The following PTPRM variants were observed in gnomAD, a reference collection of about 807,000 sequenced individuals.
The protein encoded by PTPRM is protein tyrosine phosphatase receptor type M, also known as receptor-type tyrosine-protein phosphatase mu.
PTPRM carries 47 observed loss-of-function variants against 186.7 expected under a neutral mutation model. The observed-to-expected ratio is 0.25, with a 90% CI of 0.20 to 0.32. PTPRM has a LOEUF of 0.32. Ranked by LOEUF, PTPRM falls within the 10% of genes least tolerant of loss-of-function variation. The pLI, the probability that PTPRM is intolerant of heterozygous loss-of-function variation, is 1.00. For synonymous variants in PTPRM, 668 were observed against 674.9 expected (o/e 0.99, Z 0.16); for missense variants, 1,494 against 1,865.0 (o/e 0.80, Z 3.66).
rs181611802 is a variant in PTPRM at position 8,363,054 on chromosome 18, C to T, written c.3055-7836C>T. Among the ~76,000 whole-genome samples the T allele has an allele frequency of 1.9e-3, 297 of 152,322 alleles. 1 individual carries two copies. Among genetic ancestry groups the T allele is most frequent in the South Asian group, 2.9e-3 (14 of 4,828 alleles). ...TCTGCATCCCCAGCAATGCCCAGTCCGGGCTCTGCTTGTCATGCGCTTTCA... is the reference window on the plus strand; with the variant it reads ...TCTGCATCCCCAGCAATGCCCAGTCTGGGCTCTGCTTGTCATGCGCTTTCA... On this transcript the variant is annotated intron_variant, in intron 23 of 32. Transcript: ENST00000580170.
intron 11 of PTPRM, among the ~76,000 whole-genome samples, chr18:8,107,736 C>T (rs1487056392): frequency 6.6e-6 from 1 of 152,210 alleles, no homozygotes; most frequent in Non-Finnish European, 1.5e-5. Flanking sequence ...ATAGAATATT[C>T]AGCCCCACAG....
At chr18:7,981,585 C>T (rs1042874124) in intron 7 of PTPRM, among the ~76,000 whole-genome samples, 12 of 152,184 alleles carry the variant, frequency 7.9e-5, no homozygotes, top group African/African-American at 1.2e-4. Context: ...GGAGGAATGA[C>T]TGTGATGTGA....
chr18:8,181,524 A>G (rs745856707), intron 14 of PTPRM, among the ~76,000 whole-genome samples: 1 of 152,222 alleles, frequency 6.6e-6, no homozygotes, highest in Admixed American at 6.5e-5. Flanking sequence ...GAAAAAGGAA[A>G]TGAGCCTGAA....
At chr18:7,624,030 T>G (rs1210127135) in intron 1 of PTPRM, among the ~76,000 whole-genome samples, 4 of 152,166 alleles carry the variant, frequency 2.6e-5, no homozygotes, top group Non-Finnish European at 5.9e-5. Flanking sequence ...TGGCCAGTAC[T>G]GGTGGATCTG....
chr18:7,955,404 A>T lies in PTPRM; in HGVS notation c.1122A>T (p.Thr374=), dbSNP rs371401150. 6.2e-7 allele frequency: 1 copy of T among 1,613,180 alleles called. No homozygotes were observed. The highest frequency in any genetic ancestry group is 8.5e-7 in the Non-Finnish European group (1 of 1,179,560). ...GSPGPALRTR[T]KCADPMRGPR... ...CTGGTCCAGCTCTCAGGACAAGAAC[A>T]AAGTGTGCTGGTGAGTATAAGGAAC... The change falls in exon 7 of 33, where the codon ACA becomes ACT. Residue 374 remains threonine (T), a synonymous_variant. Transcript: ENST00000580170.
At chr18:7,685,309 T>C (rs660633) in intron 1 of PTPRM, among the ~76,000 whole-genome samples, 53,866 of 152,124 alleles carry the variant, frequency 0.35, 14,533 homozygotes, top group African/African-American at 0.74. Context: ...TGGCTAATTT[T>C]ATTTCATATT....
intron 19 of PTPRM, among the ~76,000 whole-genome samples, chr18:8,276,946 T>A (rs1368473722): frequency 2.9e-4 from 9 of 31,274 alleles, no homozygotes; most frequent in African/African-American, 7.3e-4. Flanking sequence ...AAAACTGTAA[T>A]TTTTTTTTTT....
At chr18:7,984,602 T>TACACACACACACAC (rs1555676946) in intron 7 of PTPRM, among the ~76,000 whole-genome samples, 1 of 87,198 alleles carries the variant, frequency 1.1e-5, no homozygotes, top group Admixed American at 1.4e-4. Context: ...TATATATATA[T>TACACACACACACAC]ACACACACAC....
chr18:7,737,677 C>A (rs1328234627), intron 1 of PTPRM, among the ~76,000 whole-genome samples: 1 of 152,190 alleles, frequency 6.6e-6, no homozygotes, highest in East Asian at 1.9e-4. Context: ...CCTGTGCCAG[C>A]CCCTGGTCTC....
At chr18:8,099,277 A>G (rs945259796) in intron 11 of PTPRM, among the ~76,000 whole-genome samples, 17 of 151,784 alleles carry the variant, frequency 1.1e-4, no homozygotes, top group Non-Finnish European at 2.2e-4. Flanking sequence ...TCTCCCAGAG[A>G]GCTCAGCCCT....
At chr18:8,049,660 A>G (rs954678783) in intron 7 of PTPRM, among the ~76,000 whole-genome samples, 1 of 151,622 alleles carries the variant, frequency 6.6e-6, no homozygotes, top group African/African-American at 2.4e-5. Context: ...ATAAACATAT[A>G]TATATATATA....
At chr18:7,913,945 A>G (rs1293412978) in intron 4 of PTPRM, among the ~76,000 whole-genome samples, 3 of 152,176 alleles carry the variant, frequency 2.0e-5, no homozygotes, top group Non-Finnish European at 4.4e-5. Flanking sequence ...CAATTTCTTT[A>G]AATATTAAAG....
At chr18:8,379,046 G>A (rs536842408) in intron 27 of PTPRM, 121 bp from the exon 28 acceptor site, 16 of 734,346 alleles carry the variant, frequency 2.2e-5, no homozygotes, top group African/African-American at 1.5e-4. Context: ...GGTTGGGGAG[G>A]GAGGGGGAAG....
At chr18:7,919,297 T>C (rs943481171) in intron 4 of PTPRM, among the ~76,000 whole-genome samples, 1 of 152,186 alleles carries the variant, frequency 6.6e-6, no homozygotes, top group African/African-American at 2.4e-5. Flanking sequence ...TGGTTCCATA[T>C]AAATTTTAGC....
chr18:8,300,503 T>TAAA (rs60113332), intron 20 of PTPRM, among the ~76,000 whole-genome samples: 3 of 144,340 alleles, frequency 2.1e-5, no homozygotes, highest in African/African-American at 7.5e-5. Flanking sequence ...ATTACTTCAT[T>TAAA]AAAAAAAAAA....
intron 22 of PTPRM, among the ~76,000 whole-genome samples, chr18:8,322,080 C>T (rs1365022354): frequency 6.6e-6 from 1 of 152,162 alleles, no homozygotes; most frequent in African/African-American, 2.4e-5. Context: ...TCTTCTTGCT[C>T]TATTTGTCCT....
chr18:7,956,226 G>A (rs1398124658), intron 7 of PTPRM, among the ~76,000 whole-genome samples: 2 of 152,116 alleles, frequency 1.3e-5, no homozygotes, highest in African/African-American at 4.8e-5. Flanking sequence ...AATTGTTATG[G>A]TGTTAGTTAA....
intron 19 of PTPRM, among the ~76,000 whole-genome samples, chr18:8,290,422 G>A (rs116870329): frequency 0.018 from 2,738 of 152,006 alleles, 38 homozygotes; most frequent in Non-Finnish European, 0.027. Context: ...TAATATCTAG[G>A]AGTTGTGGCA....
chr18:7,627,136 AGTT>A (rs1417981880), intron 1 of PTPRM, among the ~76,000 whole-genome samples: 3 of 152,026 alleles, frequency 2.0e-5, no homozygotes, highest in East Asian at 1.9e-4. Context: ...CCCCTGTGGA[AGTT>A]GTTGTTTCCA....
Sources: allele counts gnomAD v4.1 joint callset (sites outside exome capture counted in the v4.1 genomes callset), GRCh38; gene constraint gnomAD v4.1.1; transcripts MANE v1.5; gene names NCBI Gene and HGNC (gene_info 2026-07-23, HGNC 2026-07-21).